The following ADGRL3 variants were observed in gnomAD, a reference collection of about 807,000 sequenced individuals.
ADGRL3 encodes calcium-independent alpha-latrotoxin receptor 3.
A neutral mutation model predicts 153.5 loss-of-function variants in ADGRL3; 62 were observed. The observed-to-expected ratio is 0.40, with a 90% CI of 0.33 to 0.50. ADGRL3 has a LOEUF of 0.50. Among genes scored for constraint, ADGRL3 ranks in the 20% least tolerant of loss-of-function variants. The pLI, the probability that ADGRL3 is intolerant of heterozygous loss-of-function variation, is 0.47. For missense variants in ADGRL3, 1,641 were observed against 1,859.4 expected (o/e 0.88, Z 2.16); for synonymous variants, 710 against 672.5 (o/e 1.06, Z -0.86).
At position 61,378,847 on chromosome 4, in the gene ADGRL3, A is replaced by G. The variant is rs568687722; in HGVS notation, c.-239-4277A>G. 5.3e-5 allele frequency among the ~76,000 whole-genome samples: 8 copies of G among 152,136 alleles called. No homozygotes were observed. In the South Asian group the frequency reaches 1.2e-3, roughly 24 times the overall value. On this transcript the variant is annotated intron_variant, in intron 1 of 26. Transcript: ENST00000683033. ...CGAGGCAGATTTGAGAGGGGCTTGA[A>G]TGGTCTTCTGAGAGGTACTATTGAG...
At chr4:62,027,878 C>G (rs1414518182) in intron 21 of ADGRL3, among the ~76,000 whole-genome samples, 1 of 151,812 alleles carries the variant, frequency 6.6e-6, no homozygotes, top group Admixed American at 6.6e-5. Context: ...TGTCTAAGAT[C>G]AAATAGGTAG....
intron 2 of ADGRL3, among the ~76,000 whole-genome samples, chr4:61,452,992 TA>T (rs2097693000): frequency 6.6e-6 from 1 of 151,974 alleles, no homozygotes; most frequent in Admixed American, 6.6e-5. Context: ...ATAATATTAT[TA>T]GAAATCATAT....
intron 4 of ADGRL3, among the ~76,000 whole-genome samples, chr4:61,571,316 TAATAAAATAA>T (rs10605564): frequency 0.72 from 100,623 of 140,070 alleles, 37,185 homozygotes; most frequent in East Asian, 0.93. Context: ...CTCAACAAAA[TAATAAAATAA>T]AATAAAATAA....
intron 8 of ADGRL3, among the ~76,000 whole-genome samples, chr4:61,784,603 T>A (rs1360209991): frequency 6.6e-6 from 1 of 152,082 alleles, no homozygotes; most frequent in African/African-American, 2.4e-5. Context: ...ACATTAATAA[T>A]AGTAATAATT....
At chr4:61,675,158 A>G (rs111875572) in intron 5 of ADGRL3, among the ~76,000 whole-genome samples, 1,620 of 152,042 alleles carry the variant, frequency 0.011, 34 homozygotes, top group African/African-American at 0.036. Flanking sequence ...TGGTAGCCTC[A>G]GGTAAACCCA....
At chr4:61,549,955 T>G (rs978277469) in intron 4 of ADGRL3, among the ~76,000 whole-genome samples, 6 of 151,980 alleles carry the variant, frequency 3.9e-5, no homozygotes, top group Non-Finnish European at 7.4e-5. Context: ...TCCTCTGTTT[T>G]TAATCTTAGA....
intron 1 of ADGRL3, among the ~76,000 whole-genome samples, chr4:61,276,358 A>G (rs754712521): frequency 6.6e-6 from 1 of 152,170 alleles, no homozygotes; most frequent in Non-Finnish European, 1.5e-5. Flanking sequence ...TAATGCTTGC[A>G]GTATAGATAA....
chr4:61,402,213 C>T (rs906850326), intron 2 of ADGRL3, among the ~76,000 whole-genome samples: 27 of 152,060 alleles, frequency 1.8e-4, no homozygotes, highest in Non-Finnish European at 3.2e-4. Flanking sequence ...CTGTAGTTTG[C>T]TAAAGCCTCG....
chr4:61,373,045 C>G (rs2096557803), intron 1 of ADGRL3, among the ~76,000 whole-genome samples: 1 of 152,208 alleles, frequency 6.6e-6, no homozygotes, highest in Non-Finnish European at 1.5e-5. Context: ...TCCCTGACCC[C>G]TTGTGCTTCC....
intron 1 of ADGRL3, among the ~76,000 whole-genome samples, chr4:61,248,884 CT>C (rs1281523023): frequency 6.6e-6 from 1 of 152,106 alleles, no homozygotes; most frequent in Non-Finnish European, 1.5e-5. Context: ...CCTCGTTTTC[CT>C]TTATCTGTCA....
intron 9 of ADGRL3, among the ~76,000 whole-genome samples, chr4:61,854,262 G>A (rs938948387): frequency 6.6e-6 from 1 of 152,146 alleles, no homozygotes; most frequent in Non-Finnish European, 1.5e-5. Flanking sequence ...GCACCCATGT[G>A]TTGTTTTCTA....
chr4:62,026,853 T>C (rs929117414), intron 21 of ADGRL3, among the ~76,000 whole-genome samples: 2 of 152,068 alleles, frequency 1.3e-5, no homozygotes, highest in Non-Finnish European at 2.9e-5. Context: ...AGATGATGGA[T>C]ACATTAATTT....
intron 1 of ADGRL3, among the ~76,000 whole-genome samples, chr4:61,322,423 G>A (rs1266886778): frequency 1.3e-5 from 2 of 152,142 alleles, no homozygotes; most frequent in African/African-American, 4.8e-5. Flanking sequence ...ACTAATTTTA[G>A]CAGTGACTCA....
At chr4:61,308,702 T>C (rs1203969065) in intron 1 of ADGRL3, among the ~76,000 whole-genome samples, 4 of 152,042 alleles carry the variant, frequency 2.6e-5, no homozygotes, top group Admixed American at 2.6e-4. Flanking sequence ...ATTAATGGAG[T>C]CATAAAGTAG....
intron 6 of ADGRL3, among the ~76,000 whole-genome samples, chr4:61,716,462 A>G (rs1007656587): frequency 6.6e-6 from 1 of 152,144 alleles, no homozygotes; most frequent in Non-Finnish European, 1.5e-5. Flanking sequence ...GAAAGTGAAC[A>G]TCAGTAAACT....
At position 62,049,585 on chromosome 4, in the gene ADGRL3, C is replaced by T. The variant is rs138051554; in HGVS notation, c.3814+5036C>T. ...TAAATATATGTAATTGGTAAAATTG[C>T]GATTTCCTATGACAATGGATTTATT... On this transcript the variant is annotated intron_variant, in intron 25 of 26. Transcript: ENST00000683033. Among the ~76,000 whole-genome samples the T allele has an allele frequency of 1.5e-3, 221 of 152,070 alleles. 1 individual carries two copies. Among genetic ancestry groups the T allele is most frequent in the African/African-American group, 4.8e-3 (201 of 41,494 alleles).
rs796403461 is a variant in ADGRL3, at chr4:61,577,653, T to TA, written c.260-9564dup. Among the ~76,000 whole-genome samples the TA allele has an allele frequency of 3.7e-4, 55 of 147,454 alleles. 1 individual carries two copies. Among genetic ancestry groups the TA allele is most frequent in the South Asian group, 2.1e-3 (10 of 4,664 alleles). ...AGTGAGATACTGTCTCTACAAAAAA[T>TA]AAAAAAAAAATTAGCCAGGCATGGT... On this transcript the variant is annotated intron_variant, in intron 4 of 26. Transcript: ENST00000683033.
At chr4:61,342,057 T>C (rs2095818151) in intron 1 of ADGRL3, among the ~76,000 whole-genome samples, 1 of 152,202 alleles carries the variant, frequency 6.6e-6, no homozygotes, top group Non-Finnish European at 1.5e-5. Flanking sequence ...TAGAATTATA[T>C]ATGAGTGTTA....
Position 61,732,969 on chromosome 4 carries a change from C to T in ADGRL3, c.814C>T (p.His272Tyr). The change falls in exon 8 of 27, where the codon CAC becomes TAC. Residue 272 changes from histidine (H) to tyrosine (Y), a missense_variant. Physicochemically the swap from His to Tyr is moderately conservative, Grantham distance 83. Coordinates refer to ENST00000683033, the MANE Select transcript of ADGRL3 (RefSeq NM_001387552.1). ...GRPTTTYKLP[H>Y]RVDGTGFVVY... The stretch of plus-strand genomic sequence containing the variant: ...ACCAACTACAACCTACAAGCTCCCT[C>T]ACAGGGTGGATGGCACAGGATTTGT... The T allele has an allele frequency of 6.2e-7, 1 of 1,613,780 alleles. No individual in the cohort carries two copies. The highest frequency in any genetic ancestry group is 8.5e-7 in the Non-Finnish European group (1 of 1,179,836).
Sources: allele counts gnomAD v4.1 joint callset (sites outside exome capture counted in the v4.1 genomes callset), GRCh38; gene constraint gnomAD v4.1.1; transcripts MANE v1.5; gene names NCBI Gene and HGNC (gene_info 2026-07-23, HGNC 2026-07-21).